PRMT8: variants seen among roughly 807,000 people sequenced by gnomAD.
The protein encoded by PRMT8 is protein arginine N-methyltransferase 8.
In PRMT8, 7 loss-of-function variants were observed where a neutral mutation model predicts 47.1. That is an observed-to-expected ratio of 0.15 (90% CI 0.08 to 0.28). The LOEUF is 0.28. Among genes scored for constraint, PRMT8 ranks in the 10% least tolerant of loss-of-function variants. The pLI is 1.00. For missense variants in PRMT8, 237 were observed against 505.4 expected, an observed-to-expected ratio of 0.47 and a Z score of 5.09; for synonymous variants, 188 against 186.5, an observed-to-expected ratio of 1.01 and a Z score of -0.07.
chr12:3,505,390 G>A (rs117837681), intron 1 of PRMT8, among the ~76,000 whole-genome samples: 1,838 of 152,306 alleles, frequency 0.012, 15 homozygotes, highest in Middle Eastern at 0.068. Context: ...TTGCAAGTCC[G>A]AGAAAGTGGT....
chr12:3,497,005 C>T (rs1865521014), intron 1 of PRMT8, among the ~76,000 whole-genome samples: 1 of 151,668 alleles, frequency 6.6e-6, no homozygotes, highest in South Asian at 2.1e-4. Context: ...CACAACACTC[C>T]TGTCTCCAAT....
chr12:3,460,715 CAAGT>C (rs533165714), intron 1 of PRMT8, among the ~76,000 whole-genome samples: 230 of 152,272 alleles, frequency 1.5e-3, no homozygotes, highest in African/African-American at 5.3e-3. Flanking sequence ...TCACAGCTAG[CAAGT>C]AAGAAGCTAT....
chr12:3,539,112 C>G (rs1458307894), intron 1 of PRMT8, among the ~76,000 whole-genome samples: 1 of 152,196 alleles, frequency 6.6e-6, no homozygotes, highest in Non-Finnish European at 1.5e-5. Context: ...TAAGTCTGAG[C>G]TGACCCAGCT....
At chr12:3,393,708 G>A (rs1864218938) in intron 1 of PRMT8, among the ~76,000 whole-genome samples, 1 of 136,776 alleles carries the variant, frequency 7.3e-6, no homozygotes, top group Non-Finnish European at 1.6e-5. Flanking sequence ...CTCTTTTTTG[G>A]TTCCATATGA....
Position 3,538,457 on chromosome 12 carries a change from T to C in PRMT8, c.76-2149T>C. 1 of 358,888 alleles carries C rather than the reference T, an allele frequency of 2.8e-6. No individual in the cohort carries two copies. The highest frequency in any genetic ancestry group is 5.5e-6 in the Non-Finnish European group (1 of 181,966). The allele number at this position is 358,888 out of a possible 1,614,324, so 22.2% of individuals were successfully genotyped here. The stretch of plus-strand genomic sequence containing the variant: ...CCCCATGTCGCTGAATGTTCAGGGA[T>C]CACAGGCCACTGCCGTTTCCCACCC... On this transcript the variant is annotated intron_variant, in intron 1 of 9. Coordinates refer to ENST00000382622, the MANE Select transcript of PRMT8 (RefSeq NM_019854.5). This position sits in a 1 kb window ranked among gnomAD's most constrained non-coding sequence, Gnocchi z 4.6.
intron 1 of PRMT8, among the ~76,000 whole-genome samples, chr12:3,442,187 A>T (rs1357510057): frequency 6.6e-6 from 1 of 152,262 alleles, no homozygotes; most frequent in Admixed American, 6.5e-5. Flanking sequence ...ACTCAAGGAA[A>T]GCAGAACAAC....
chr12:3,587,958 G>GCC (rs34072536), intron 8 of PRMT8, among the ~76,000 whole-genome samples: 14 of 151,724 alleles, frequency 9.2e-5, no homozygotes, highest in Non-Finnish European at 1.8e-4. Context: ...TGGGCACGGT[G>GCC]CCCCCCCCAC....
rs1865448396 is a variant in PRMT8, at chr12:3,493,086, A to G, written c.75+1386A>G. ...CCTTCTCTGAGAGACTAGAAGCAGC[A>G]TGCATCTGACAATTGTCAATTTCAA... On this transcript the variant is annotated intron_variant, in intron 1 of 9. Coordinates refer to ENST00000382622, the MANE Select transcript of PRMT8 (RefSeq NM_019854.5). This position sits in a 1 kb window ranked among gnomAD's most constrained non-coding sequence, Gnocchi z 8.2. 6.6e-6 allele frequency among the ~76,000 whole-genome samples: 1 copy of G among 152,190 alleles called. No homozygotes were observed. The highest frequency in any genetic ancestry group is 1.5e-5 in the Non-Finnish European group (1 of 68,032).
chr12:3,521,829 C>T (rs374385457), intron 1 of PRMT8, among the ~76,000 whole-genome samples: 3 of 152,168 alleles, frequency 2.0e-5, no homozygotes, highest in African/African-American at 7.2e-5. Flanking sequence ...CCTTCTCCCT[C>T]CCAACTGCCA....
intron 1 of PRMT8, among the ~76,000 whole-genome samples, chr12:3,528,401 C>T (rs930764335): frequency 6.6e-6 from 1 of 151,984 alleles, no homozygotes; most frequent in African/African-American, 2.4e-5. Context: ...GTGTCAAGTT[C>T]ACTAATATTT....
Position 3,569,702 on chromosome 12 carries a change from T to C in PRMT8, c.712+138T>C, listed in dbSNP as rs1866811364. 5 of 724,942 alleles carry C rather than the reference T, an allele frequency of 6.9e-6. No homozygotes were observed. The highest frequency in any genetic ancestry group is 6.3e-5 in the Admixed American group (3 of 47,644). 44.9% of individuals were successfully genotyped at this position (724,942 alleles called of 1,614,324 possible). A position where few individuals can be genotyped will look rare whatever the true frequency, so the allele number is the denominator to read the frequency against. On this transcript the variant is annotated intron_variant, in intron 6 of 9. Transcript: ENST00000382622. The surrounding 1 kb of genome is among the most constrained non-coding windows in gnomAD (Gnocchi z 8.2). ...AGAGGAGCTTATCTGGGACCCTTTC[T>C]GGAGTCTGCTCTCTAAATGTTTCTA...
chr12:3,391,686 A>G (rs1463397599), intron 1 of PRMT8, among the ~76,000 whole-genome samples: 2 of 152,336 alleles, frequency 1.3e-5, no homozygotes, highest in Admixed American at 6.5e-5. Context: ...AGCTATTTGC[A>G]TATCTGTCTC....
At position 3,399,773 on chromosome 12, in the gene PRMT8, T is replaced by A. The variant is rs569390953; in HGVS notation, c.48+18331T>A. Among the ~76,000 whole-genome samples, 270 of 152,312 alleles carry A rather than the reference T, an allele frequency of 1.8e-3. 2 individuals carry two copies. The highest frequency in any genetic ancestry group is 6.1e-3 in the African/African-American group (254 of 41,556). On this transcript the variant is annotated intron_variant, in intron 1 of 9. Transcript: ENST00000452611. Reference sequence around the variant, plus strand: ...ATATTAGTTTAAGTTGGACAACCAGTAGAACTTTCATCATGGATGCAGATT... The same window carrying A: ...ATATTAGTTTAAGTTGGACAACCAGAAGAACTTTCATCATGGATGCAGATT...
intron 1 of PRMT8, among the ~76,000 whole-genome samples, chr12:3,478,660 C>T (rs146220512): frequency 2.0e-5 from 3 of 152,294 alleles, no homozygotes; most frequent in Non-Finnish European, 4.4e-5. Context: ...CCTAATATTT[C>T]AGAAGGGTTA....
At chr12:3,449,048 C>T (rs1210312592) in intron 1 of PRMT8, among the ~76,000 whole-genome samples, 2 of 152,168 alleles carry the variant, frequency 1.3e-5, no homozygotes, top group Non-Finnish European at 2.9e-5. Context: ...GCATCCATGT[C>T]CCTGCAAAGG....
intron 1 of PRMT8, among the ~76,000 whole-genome samples, chr12:3,389,299 A>G (rs1864170067): frequency 6.6e-6 from 1 of 151,382 alleles, no homozygotes; most frequent in African/African-American, 2.4e-5. Context: ...AACGCTGGTG[A>G]CAGACAGATC....
intron 1 of PRMT8, among the ~76,000 whole-genome samples, chr12:3,472,886 A>G (rs1363831217): frequency 6.6e-6 from 1 of 152,124 alleles, no homozygotes; most frequent in Non-Finnish European, 1.5e-5. Flanking sequence ...TCCAGAAGCC[A>G]GGTCTTGGGG....
chr12:3,465,129 A>ATATAT (rs71061116), intron 1 of PRMT8, among the ~76,000 whole-genome samples: 11 of 55,398 alleles, frequency 2.0e-4, no homozygotes, highest in Non-Finnish European at 3.4e-4. Context: ...TCTCAAAAAA[A>ATATAT]ATATATATAT....
chr12:3,458,032 G>A (rs1366002408), intron 1 of PRMT8, among the ~76,000 whole-genome samples: 2 of 151,798 alleles, frequency 1.3e-5, no homozygotes, highest in Non-Finnish European at 2.9e-5. Flanking sequence ...TAGTAGAGAC[G>A]GGGTTTCACC....
Sources: allele counts gnomAD v4.1 joint callset (sites outside exome capture counted in the v4.1 genomes callset), GRCh38; gene constraint gnomAD v4.1.1; non-coding constraint Gnocchi (gnomAD v3.1); transcripts MANE v1.5; gene names NCBI Gene and HGNC (gene_info 2026-07-23, HGNC 2026-07-21).